Variants in ESR1 observed in about 807,000 individuals in gnomAD.
ESR1 encodes estrogen receptor.
ESR1 carries 12 observed loss-of-function variants against 52.7 expected under a neutral mutation model. The observed-to-expected ratio is 0.23, with a 90% confidence interval of 0.15 to 0.37. ESR1 has a LOEUF of 0.37. Among genes scored for constraint, ESR1 ranks in the 10% least tolerant of loss-of-function variants. The pLI is 1.00. For synonymous variants in ESR1, 305 were observed against 316.8 expected (o/e 0.96, Z 0.39); for missense variants, 584 against 779.7 (o/e 0.75, Z 2.99).
At chr6:151,829,463 C>A (rs889912338) in intron 1 of ESR1, among the ~76,000 whole-genome samples, 1 of 152,154 alleles carries the variant, frequency 6.6e-6, no homozygotes, top group Non-Finnish European at 1.5e-5. Flanking sequence ...ATTAGAAACG[C>A]AATGGCTATC....
chr6:152,023,406 C>T (rs964175114), intron 5 of ESR1, among the ~76,000 whole-genome samples: 2 of 152,172 alleles, frequency 1.3e-5, no homozygotes, highest in South Asian at 2.1e-4. Context: ...TGCCCCATTG[C>T]TTAATCCATT....
chr6:152,027,674 A>G (rs2044270363), intron 5 of ESR1, among the ~76,000 whole-genome samples: 1 of 152,156 alleles, frequency 6.6e-6, no homozygotes, highest in South Asian at 2.1e-4. Flanking sequence ...CTCATTAGTG[A>G]TTTGGACTTT....
Position 152,031,344 on chromosome 6 carries a change from C to A in ESR1, c.1235+19550C>A, listed in dbSNP as rs149592786. Among the ~76,000 whole-genome samples the A allele has an allele frequency of 3.1e-3, 466 of 152,156 alleles. 6 individuals are homozygous for A. Among genetic ancestry groups the A allele is most frequent in the African/African-American group, 0.011 (441 of 41,512 alleles). On this transcript the variant is annotated intron_variant, in intron 5 of 7. Transcript: ENST00000206249. ...AAAACCCTTCAAAAAATCAATGAAT[C>A]TAGGAGCTGGTTTTTTGAAAAGATC...
chr6:152,087,690 A>G (rs1489483645), intron 6 of ESR1, among the ~76,000 whole-genome samples: 1 of 152,220 alleles, frequency 6.6e-6, no homozygotes, highest in African/African-American at 2.4e-5. Flanking sequence ...CCATGGATAG[A>G]TCATCCTCTT....
At chr6:152,040,271 C>T (rs1470118563) in intron 5 of ESR1, among the ~76,000 whole-genome samples, 1 of 152,146 alleles carries the variant, frequency 6.6e-6, no homozygotes, top group African/African-American at 2.4e-5. Flanking sequence ...CCTGCCACCA[C>T]AGCCACTTTG....
At chr6:151,731,761 A>G (rs1485780248) in intron 2 of ESR1, among the ~76,000 whole-genome samples, 1 of 152,178 alleles carries the variant, frequency 6.6e-6, no homozygotes, top group African/African-American at 2.4e-5. Flanking sequence ...TTTCTCCCTC[A>G]TCAGGGAGAC....
intron 4 of ESR1, among the ~76,000 whole-genome samples, chr6:151,983,824 A>G (rs1425315634): frequency 2.0e-5 from 3 of 152,070 alleles, no homozygotes; most frequent in Non-Finnish European, 4.4e-5. Flanking sequence ...CCTTTCCAGG[A>G]TGTTAGTCGT....
chr6:151,980,004 A>C (rs1205178807), intron 4 of ESR1, among the ~76,000 whole-genome samples: 2 of 152,228 alleles, frequency 1.3e-5, no homozygotes, highest in African/African-American at 2.4e-5. Context: ...AGCTATTTGC[A>C]TGTATTTTTT....
chr6:152,122,652 G>A, intron 6 of ESR1: 1 of 1,614,038 alleles, frequency 6.2e-7, no homozygotes, highest in Non-Finnish European at 8.5e-7. Context: ...CAGAAAGGGA[G>A]GAATCGGAGC....
At chr6:151,918,537 T>C (rs1027538578) in intron 3 of ESR1, among the ~76,000 whole-genome samples, 4 of 152,230 alleles carry the variant, frequency 2.6e-5, no homozygotes, top group South Asian at 2.1e-4. Context: ...TGAGGTATTA[T>C]GGTTACCCAT....
chr6:151,973,980 T>C (rs2039177602), intron 4 of ESR1, among the ~76,000 whole-genome samples: 1 of 152,238 alleles, frequency 6.6e-6, no homozygotes, highest in Non-Finnish European at 1.5e-5. Context: ...GTTAGTATTT[T>C]AGCCTTTGTG....
chr6:151,821,267 A>G (rs1404024658), intron 1 of ESR1, among the ~76,000 whole-genome samples: 1 of 152,106 alleles, frequency 6.6e-6, no homozygotes, highest in Non-Finnish European at 1.5e-5. Context: ...AGCAAGCAGG[A>G]TGACAGAATA....
At chr6:151,760,004 C>A (rs1784555679) in intron 2 of ESR1, among the ~76,000 whole-genome samples, 1 of 152,308 alleles carries the variant, frequency 6.6e-6, no homozygotes, top group South Asian at 2.1e-4. Context: ...TTAGTCTATG[C>A]ATGGTTTATT....
At chr6:151,803,931 G>T (rs1427441104), upstream of ESR1, among the ~76,000 whole-genome samples, 1 of 152,120 alleles carries the variant, frequency 6.6e-6, no homozygotes, top group African/African-American at 2.4e-5. Context: ...GAACAAGCCT[G>T]CAATGCCCAG....
intron 5 of ESR1, among the ~76,000 whole-genome samples, chr6:152,022,882 C>G (rs556703203): frequency 2.6e-5 from 4 of 151,544 alleles, no homozygotes; most frequent in African/African-American, 9.7e-5. Context: ...GAGGCTGAGG[C>G]AGGAGAATCA....
chr6:152,008,011 T>G (rs1473677782), intron 4 of ESR1, among the ~76,000 whole-genome samples: 2 of 152,156 alleles, frequency 1.3e-5, no homozygotes, highest in East Asian at 1.9e-4. Flanking sequence ...TGTCTATCCA[T>G]AGTTGGCCCA....
At chr6:152,091,468 C>A (rs1276697204) in intron 6 of ESR1, among the ~76,000 whole-genome samples, 1 of 152,206 alleles carries the variant, frequency 6.6e-6, no homozygotes. Flanking sequence ...AGAACATTCT[C>A]TCTCTGCAGG....
chr6:152,023,496 CA>C (rs1483614932), intron 5 of ESR1, among the ~76,000 whole-genome samples: 1 of 152,236 alleles, frequency 6.6e-6, no homozygotes. Context: ...TATCATACAT[CA>C]GTAGGCATTT....
At chr6:151,901,849 C>T (rs1231907894) in intron 3 of ESR1, among the ~76,000 whole-genome samples, 4 of 152,136 alleles carry the variant, frequency 2.6e-5, no homozygotes, top group Non-Finnish European at 5.9e-5. Flanking sequence ...ATTCTCTTGG[C>T]TTTCCTGGTA....
Sources: allele counts gnomAD v4.1 joint callset (sites outside exome capture counted in the v4.1 genomes callset), GRCh38; gene constraint gnomAD v4.1.1; transcripts MANE v1.5; gene names NCBI Gene and HGNC (gene_info 2026-07-23, HGNC 2026-07-21).